The following CRBN variants were observed in gnomAD, a reference collection of about 807,000 sequenced individuals.
CRBN encodes cereblon, also known as protein cereblon.
In CRBN, 53 loss-of-function variants were observed where a neutral mutation model predicts 62.2. That is an observed-to-expected ratio of 0.85 (90% CI 0.68 to 1.07). The LOEUF is 1.07. CRBN is among the 50% of genes least tolerant of loss of function. CRBN has a pLI of 0.00. For missense variants in CRBN, 616 were observed against 531.1 expected (o/e 1.16, Z -1.57); for synonymous variants, 208 against 176.1 (o/e 1.18, Z -1.43).
chr3:3,175,205 TG>T lies in CRBN; in HGVS notation c.131del (p.Pro44GlnfsTer4), dbSNP rs1204669268. 3 of 1,613,752 alleles carry T rather than the reference TG, an allele frequency of 1.9e-6. No individual in the cohort carries two copies. Among genetic ancestry groups the T allele is most frequent in the Admixed American group, 3.3e-5 (2 of 60,000 alleles). The part of the protein sequence containing the change: ...EDQDSKEAKK[P>X]NIINFDTSLP... ...GACTGGTGTCAAAATTTATGATGTT[TG>T]GTTTTTTGGCTTCTTTACTATCCTG... On this transcript the variant is annotated frameshift_variant, in exon 2 of 11. Coordinates refer to ENST00000231948, the MANE Select transcript of CRBN (RefSeq NM_016302.4). LOFTEE classifies it high-confidence loss of function.
chr3:3,155,114 C>A (rs1011615212), intron 6 of CRBN: 2 of 436,444 alleles, frequency 4.6e-6, no homozygotes, highest in South Asian at 2.8e-5. Flanking sequence ...CTGCTTGGAA[C>A]TGGCCTCTCT....
At chr3:3,149,905 A>C (rs2126043989), downstream of CRBN, 1 of 152,296 alleles carries the variant, frequency 6.6e-6, no homozygotes, top group South Asian at 2.1e-4. Flanking sequence ...GGAAGGAAGG[A>C]CCCACTAAAC....
At chr3:3,157,556 A>C (rs149206842) in intron 5 of CRBN, among the ~76,000 whole-genome samples, 209 of 152,276 alleles carry the variant, frequency 1.4e-3, no homozygotes, top group African/African-American at 4.9e-3. Flanking sequence ...TCATACGCTG[A>C]ATGATACTTA....
intron 5 of CRBN, among the ~76,000 whole-genome samples, chr3:3,163,786 C>T (rs7631490): frequency 6.6e-6 from 1 of 152,058 alleles, no homozygotes; most frequent in East Asian, 1.9e-4. Flanking sequence ...TTAATACAGG[C>T]ATACTGTGAT....
rs62228657 is a variant in CRBN, at chr3:3,168,225, A to T, written c.528-432T>A. Reference sequence around the variant, plus strand: ...TTACATCTATCCTTTCTCATAAGTCATCTAATCTAAGTAGAGAAAGGAAGA... The same window carrying T: ...TTACATCTATCCTTTCTCATAAGTCTTCTAATCTAAGTAGAGAAAGGAAGA... On this transcript the variant is annotated intron_variant, in intron 4 of 10. Transcript: ENST00000231948. Among the ~76,000 whole-genome samples the T allele has an allele frequency of 7.4e-3, 1,085 of 146,694 alleles. 6 individuals carry two copies. The highest frequency in any genetic ancestry group is 0.021 in the African/African-American group (746 of 36,324).
rs757719993 is a variant in CRBN, at chr3:3,179,681, C to G, written c.7G>C (p.Gly3Arg). Residue 3 changes from glycine to arginine, a missense_variant, in exon 1 of 11, where the codon GGC (glycine) becomes CGC (arginine). Coordinates refer to ENST00000231948, the MANE Select transcript of CRBN (RefSeq NM_016302.4). MAGEGDQQDAAHN... is the reference protein window; with the variant it reads MAREGDQQDAAHN... The stretch of plus-strand genomic sequence containing the variant: ...GCAGCGTCCTGCTGATCTCCTTCGC[C>G]GGCCATGTCTGTTTACCCGCAAAGG... The G allele has an allele frequency of 3.1e-6, 5 of 1,613,162 alleles. No individual in the cohort carries two copies. The highest frequency in any genetic ancestry group is 4.2e-6 in the Non-Finnish European group (5 of 1,179,540).
chr3:3,168,346 G>A (rs1222578903), intron 4 of CRBN, among the ~76,000 whole-genome samples: 3 of 152,160 alleles, frequency 2.0e-5, no homozygotes, highest in Non-Finnish European at 2.9e-5. Context: ...GTTCTTAAGA[G>A]TTTAACTGTA....
At chr3:3,164,979 G>A (rs1160244765) in intron 5 of CRBN, among the ~76,000 whole-genome samples, 1 of 152,178 alleles carries the variant, frequency 6.6e-6, no homozygotes, top group Non-Finnish European at 1.5e-5. Flanking sequence ...ATGGGAGGTG[G>A]TGAAAATATC....
intron 10 of CRBN, 67 bp from the exon 11 acceptor site, chr3:3,151,112 T>TATC: frequency 1.3e-6 from 2 of 1,542,732 alleles, no homozygotes; most frequent in Non-Finnish European, 1.8e-6. Context: ...CATATAAACC[T>TATC]ATCATGAAGA....
In CRBN at chr3:3,161,081, T is replaced by G. The variant is rs151177479; in HGVS notation, c.688-4800A>C. On this transcript the variant is annotated intron_variant, in intron 5 of 10. Transcript: ENST00000231948. ...TGGGAACGTCATTTTTGGCTATGAT[T>G]TAGAATACAGAAGCATTAAAAATTA... Among the ~76,000 whole-genome samples the G allele has an allele frequency of 3.7e-3, 564 of 152,274 alleles. 2 individuals carry two copies. Among genetic ancestry groups the G allele is most frequent in the Middle Eastern group, 0.014 (4 of 294 alleles).
intron 6 of CRBN, chr3:3,155,841 C>A: frequency 5.2e-6 from 1 of 190,754 alleles, no homozygotes; most frequent in Non-Finnish European, 1.1e-5. Flanking sequence ...CAGTCTTGCT[C>A]TGTTGTCCAG....
intron 3 of CRBN, 66 bp from the exon 4 acceptor site, chr3:3,172,991 C>A: frequency 8.2e-7 from 1 of 1,217,938 alleles, no homozygotes; most frequent in South Asian, 1.2e-5. Flanking sequence ...GCAAAGTAGG[C>A]AAAGCAATAA....
chr3:3,153,593 T>C (rs1164237577), intron 8 of CRBN, 105 bp from the exon 9 acceptor site: 1 of 755,998 alleles, frequency 1.3e-6, no homozygotes, highest in Non-Finnish European at 2.4e-6. Flanking sequence ...TATTGCTCTC[T>C]CTGAATATCA....
At position 3,154,227 on chromosome 3, in the gene CRBN, C is replaced by T. The variant is rs879134379; in HGVS notation, c.836-152G>A. The T allele has an allele frequency of 1.1e-5, 7 of 620,206 alleles. No individual in the cohort carries two copies. The Admixed American group carries it at 1.7e-4, about 15-fold the overall frequency. The allele number at this position is 620,206 out of a possible 1,614,324, so 38.4% of individuals were successfully genotyped here. A position where few individuals can be genotyped will look rare whatever the true frequency, so the allele number is the denominator to read the frequency against. On this transcript the variant is annotated intron_variant, in intron 7 of 10. Transcript: ENST00000231948. ...AACAATACAAAAATATACCAGCTGT[C>T]AAAGATACACTTTTCAGAAGCTCTA...
intron 5 of CRBN, among the ~76,000 whole-genome samples, chr3:3,160,525 T>C (rs2126059493): frequency 6.6e-6 from 1 of 152,334 alleles, no homozygotes; most frequent in Middle Eastern, 3.4e-3. Context: ...ATACAAGATG[T>C]ATGCCTGGGA....
chr3:3,159,208 G>C (rs1389991191), intron 5 of CRBN, among the ~76,000 whole-genome samples: 1 of 152,106 alleles, frequency 6.6e-6, no homozygotes, highest in Non-Finnish European at 1.5e-5. Context: ...CCTAACATGT[G>C]TCAGGCTATT....
In CRBN at chr3:3,150,750, T is replaced by TTTAC. The variant is rs1373399896; in HGVS notation, c.*111_*114dup. ...CTGCAACCCTCCAAGTAATGTTATG[T>TTTAC]TTACTTAGGTATTAATGTTATGTTT... On this transcript the variant is annotated 3_prime_UTR_variant, in exon 11 of 11. Transcript: ENST00000231948. 2.7e-5 allele frequency: 27 copies of TTTAC among 1,000,728 alleles called. No homozygotes were observed. The highest frequency in any genetic ancestry group is 3.0e-4 in the Middle Eastern group (1 of 3,354). The allele number at this position is 1,000,728 out of a possible 1,614,324, so 62.0% of individuals were successfully genotyped here.
chr3:3,166,487 C>A (rs115942819), intron 5 of CRBN, among the ~76,000 whole-genome samples: 1,945 of 152,190 alleles, frequency 0.013, 32 homozygotes, highest in Middle Eastern at 0.027. Flanking sequence ...TACACAAAAG[C>A]TGCCTGTTAA....
intron 5 of CRBN, among the ~76,000 whole-genome samples, chr3:3,159,260 A>G (rs894535138): frequency 1.3e-5 from 2 of 152,200 alleles, no homozygotes; most frequent in African/African-American, 4.8e-5. Context: ...AGAAAAACCA[A>G]CAAAATTCAA....
Sources: allele counts gnomAD v4.1 joint callset (sites outside exome capture counted in the v4.1 genomes callset), GRCh38; gene constraint gnomAD v4.1.1; transcripts MANE v1.5; gene names NCBI Gene and HGNC (gene_info 2026-07-23, HGNC 2026-07-21).